KHDC1: variants seen among roughly 807,000 people sequenced by gnomAD.
KHDC1 encodes KH homology domain-containing protein 1.
KHDC1 carries 21 observed loss-of-function variants against 24.7 expected under a neutral mutation model. That is an observed-to-expected ratio of 0.85 (90% confidence interval 0.60 to 1.23). The LOEUF (loss-of-function observed/expected upper bound fraction) is 1.23. Ranked by LOEUF, KHDC1 falls within the 50% of genes most tolerant of loss-of-function variation. KHDC1 has a pLI of 0.00. For synonymous variants in KHDC1, 98 were observed against 111.7 expected (o/e 0.88, Z 0.77); for missense variants, 274 against 298.5 (o/e 0.92, Z 0.61).
chr6:73,241,917 T>G, intron 4 of KHDC1, 138 bp downstream of exon 3: 1 of 1,118,514 alleles, frequency 8.9e-7, no homozygotes, highest in South Asian at 1.6e-5. Flanking sequence ...AGATGAGCAC[T>G]TTTCTTCCCA....
At chr6:73,259,319 G>A (rs965823557) in intron 2 of KHDC1, among the ~76,000 whole-genome samples, 1 of 98,738 alleles carries the variant, frequency 1.0e-5, no homozygotes, top group African/African-American at 4.1e-5. Flanking sequence ...ACGGAGTCTC[G>A]CTCTGTCGCC....
At chr6:73,277,190 G>A (rs867156162) in intron 2 of KHDC1, among the ~76,000 whole-genome samples, 2 of 152,062 alleles carry the variant, frequency 1.3e-5, no homozygotes, top group East Asian at 1.9e-4. Context: ...AAGTCTGGTC[G>A]GGCACGGTGG....
chr6:73,303,894 G>C (rs1355572152), intron 1 of KHDC1, among the ~76,000 whole-genome samples: 2 of 152,110 alleles, frequency 1.3e-5, no homozygotes, highest in Non-Finnish European at 2.9e-5. Flanking sequence ...AAATTATTTT[G>C]TGGGCTGGGC....
intron 2 of KHDC1, among the ~76,000 whole-genome samples, chr6:73,277,162 C>CTGTT (rs1473356189): frequency 6.6e-6 from 1 of 152,114 alleles, no homozygotes; most frequent in African/African-American, 2.4e-5. Context: ...TTCTCCTTAA[C>CTGTT]TGTTAGTTAA....
intron 2 of KHDC1, among the ~76,000 whole-genome samples, chr6:73,272,288 A>G (rs1213255896): frequency 1.3e-5 from 2 of 151,508 alleles, no homozygotes; most frequent in Non-Finnish European, 2.9e-5. Context: ...CTCACTCCCA[A>G]GTAGCTGGGA....
At chr6:73,281,940 A>G (rs1767421237) in intron 2 of KHDC1, among the ~76,000 whole-genome samples, 1 of 152,016 alleles carries the variant, frequency 6.6e-6, no homozygotes, top group Non-Finnish European at 1.5e-5. Context: ...ACTCTAGGCC[A>G]GGTCCGGTGG....
exon 1 of KHDC1, chr6:73,309,755 A>G (rs1473705749): frequency 1.2e-5 from 18 of 1,545,778 alleles, no homozygotes; most frequent in Middle Eastern, 3.5e-4. Flanking sequence ...GCGCTAAGGC[A>G]CGAGTAGTAC....
intron 2 of KHDC1, among the ~76,000 whole-genome samples, chr6:73,291,623 G>A (rs1359945201): frequency 2.0e-5 from 3 of 152,020 alleles, no homozygotes; most frequent in African/African-American, 7.2e-5. Flanking sequence ...CACCGTGCCT[G>A]GTGTACCCAG....
chr6:73,262,007 AG>A (rs1447790924), intron 2 of KHDC1, among the ~76,000 whole-genome samples: 1 of 151,666 alleles, frequency 6.6e-6, no homozygotes, highest in Non-Finnish European at 1.5e-5. Flanking sequence ...TGAGCCCGGC[AG>A]GTTGGAGCTG....
chr6:73,272,227 G>T (rs559738429), intron 2 of KHDC1, among the ~76,000 whole-genome samples: 1 of 151,646 alleles, frequency 6.6e-6, no homozygotes, highest in South Asian at 2.1e-4. Context: ...GCAGTGGAGC[G>T]ATCTCGGCTC....
intron 2 of KHDC1, among the ~76,000 whole-genome samples, chr6:73,260,697 C>T (rs1320543111): frequency 6.6e-6 from 1 of 152,198 alleles, no homozygotes; most frequent in Admixed American, 6.5e-5. Context: ...ATTTATACTT[C>T]TACTAAGAAT....
chr6:73,310,235 AC>A (rs1768056774), upstream of KHDC1: 1 of 159,232 alleles, frequency 6.3e-6, no homozygotes, highest in Non-Finnish European at 1.4e-5. Flanking sequence ...TCTGACCGGC[AC>A]CCGAAGGTGC....
At chr6:73,252,739 T>C (rs962006103) in intron 2 of KHDC1, among the ~76,000 whole-genome samples, 3 of 151,300 alleles carry the variant, frequency 2.0e-5, no homozygotes, top group African/African-American at 7.3e-5. Flanking sequence ...ATGGCTTGAG[T>C]CTGGTAAACG....
At chr6:73,263,376 G>T in intron 2 of KHDC1, 180 bp from the exon 1 acceptor site, 2 of 711,190 alleles carry the variant, frequency 2.8e-6, no homozygotes, top group Non-Finnish European at 3.5e-6. Flanking sequence ...CAATGACCCA[G>T]ACCCGGACGA....
At chr6:73,249,283 G>C (rs1429148113) in intron 2 of KHDC1, among the ~76,000 whole-genome samples, 2 of 149,580 alleles carry the variant, frequency 1.3e-5, no homozygotes, top group Non-Finnish European at 3.0e-5. Flanking sequence ...CCAGTCTCTT[G>C]AAAAAAAAAA....
At chr6:73,309,704 G>T in exon 1 of KHDC1, 1 of 1,550,092 alleles carries the variant, frequency 6.5e-7, no homozygotes, top group Non-Finnish European at 8.7e-7. Flanking sequence ...CCTCTGGAAG[G>T]CCGACAGCAT....
At chr6:73,295,097 G>A (rs1582585925) in intron 1 of KHDC1, among the ~76,000 whole-genome samples, 2 of 152,136 alleles carry the variant, frequency 1.3e-5, no homozygotes, top group African/African-American at 2.4e-5. Context: ...ATGTTGCCAT[G>A]AGCCAACATC....
At chr6:73,263,996 C>G (rs7740081) in intron 2 of KHDC1, among the ~76,000 whole-genome samples, 6 of 151,870 alleles carry the variant, frequency 4.0e-5, no homozygotes, top group Non-Finnish European at 7.4e-5. Flanking sequence ...CCCAGGAGTT[C>G]GAAACCAGCT....
At chr6:73,242,016 C>A in intron 4 of KHDC1, 39 bp downstream of exon 3, 1 of 1,575,638 alleles carries the variant, frequency 6.3e-7, no homozygotes, top group South Asian at 1.2e-5. Context: ...AGAACTCCAC[C>A]ACCAAGTCTA....
Sources: allele counts gnomAD v4.1 joint callset (sites outside exome capture counted in the v4.1 genomes callset), GRCh38; gene constraint gnomAD v4.1.1; transcripts MANE v1.5; gene names NCBI Gene and HGNC (gene_info 2026-07-23, HGNC 2026-07-21).